Variants in SRRT observed in about 807,000 individuals in gnomAD.
SRRT encodes serrate, RNA effector molecule.
In SRRT, 32 loss-of-function variants were observed where a neutral mutation model predicts 103.2. The observed-to-expected ratio is 0.31, with a 90% CI of 0.23 to 0.42. SRRT has a LOEUF of 0.42. SRRT is among the 10% of genes least tolerant of loss of function. SRRT has a pLI of 1.00. For synonymous variants in SRRT, 525 were observed against 449.0 expected (o/e 1.17, Z -2.14); for missense variants, 986 against 1,207.5 (o/e 0.82, Z 2.72).
chr7:100,875,496 C>T, intron 1 of SRRT, 77 bp from the exon 2 acceptor site: 1 of 1,578,392 alleles, frequency 6.3e-7, no homozygotes, highest in Non-Finnish European at 8.6e-7. Context: ...GGGAAGCGGG[C>T]GAGCTGCCCG....
In SRRT at chr7:100,875,266, ACCCAGGTCG is replaced by A; in HGVS notation, c.-77_-69del. ...TCGAAGTCCTCGTCGCGCGCCCGCG[ACCCAGGTCG>A]CCCTGAAATCTAGCCCGTCCGAGCG... On this transcript the variant is annotated 5_prime_UTR_variant, in exon 1 of 20. Transcript: ENST00000611405. The A allele has an allele frequency of 3.2e-6, 2 of 624,876 alleles. No individual in the cohort carries two copies. The highest frequency in any genetic ancestry group is 4.4e-6 in the Non-Finnish European group (2 of 456,452). 38.7% of individuals were successfully genotyped at this position (624,876 alleles called of 1,614,324 possible).
rs1816302627 is a variant in SRRT, at chr7:100,881,349, C to T, written c.187C>T (p.Arg63Ter). 2 of 1,613,414 alleles carry T rather than the reference C, an allele frequency of 1.2e-6. No individual in the cohort carries two copies. The highest frequency in any genetic ancestry group is 1.3e-5 in the African/African-American group (1 of 74,882). Residue 63 changes from arginine to a stop codon, truncating the protein, a stop_gained, in exon 3 of 20, where the codon CGA becomes TGA. Coordinates refer to ENST00000611405, the MANE Select transcript of SRRT (RefSeq NM_015908.6). LOFTEE classifies it high-confidence loss of function. ...GEYRDYDRNR[R>*]ERFSPPRHEL... ...ATATCGGGACTATGACCGGAATCGG[C>T]GAGAGCGCTTCTCGCCACCTCGCCA...
intron 2 of SRRT, chr7:100,875,958 A>G (rs533654855): frequency 1.5e-4 from 68 of 448,050 alleles, no homozygotes; most frequent in Non-Finnish European, 2.6e-4. Flanking sequence ...CTGTTTATAC[A>G]TGCACGAAAA....
chr7:100,886,127 TC>T (rs553961644), intron 12 of SRRT, 119 bp from the exon 13 acceptor site: 662 of 1,306,082 alleles, frequency 5.1e-4, no homozygotes, highest in Non-Finnish European at 6.6e-4. Context: ...GTGGTCCCCG[TC>T]CCCAGGGAGC....
At position 100,888,034 on chromosome 7, in the gene SRRT, C is replaced by T; in HGVS notation, c.2327-8C>T. The T allele has an allele frequency of 6.5e-7, 1 of 1,534,068 alleles. No individual in the cohort carries two copies. The highest frequency in any genetic ancestry group is 8.7e-7 in the Non-Finnish European group (1 of 1,144,502). On this transcript the variant is annotated splice_polypyrimidine_tract_variant and splice_region_variant and intron_variant, in intron 17 of 19. Transcript: ENST00000611405. ...CCCCCGCAGTAATTCATGTCCCTGTCCGTGTTGTACTCCCCCCAGGTTTGA... is the reference window on the plus strand; with the variant it reads ...CCCCCGCAGTAATTCATGTCCCTGTTCGTGTTGTACTCCCCCCAGGTTTGA...
At chr7:100,883,145 G>A (rs2720395) in intron 5 of SRRT, 2,383 of 152,582 alleles carry the variant, frequency 0.016, 24 homozygotes, top group Middle Eastern at 0.078. Flanking sequence ...TGCCCCACTC[G>A]TGGTTCTGTT....
rs1314224161 is a variant in SRRT at position 100,885,355 on chromosome 7, G to A, written c.1302G>A (p.Arg434=). ...GCAACATCGCGCCCAACATCTCCCGGGCCGAGATCATCTCCGTGAGTGGGG... is the reference window on the plus strand; with the variant it reads ...GCAACATCGCGCCCAACATCTCCCGAGCCGAGATCATCTCCGTGAGTGGGG... The part of the protein sequence containing the change: ...FMRNIAPNIS[R]AEIISLCKRY... The change falls in exon 10 of 20, where the codon CGG becomes CGA. Residue 434 remains arginine (R), a synonymous_variant. Coordinates refer to ENST00000611405, the MANE Select transcript of SRRT (RefSeq NM_015908.6). This position sits in a 1 kb window ranked among gnomAD's most constrained non-coding sequence, Gnocchi z 4.8. 1 of 1,613,454 alleles carries A rather than the reference G, an allele frequency of 6.2e-7. No homozygotes were observed. The highest frequency in any genetic ancestry group is 1.3e-5 in the African/African-American group (1 of 74,908).
intron 1 of SRRT, 121 bp from the exon 2 acceptor site, chr7:100,875,452 T>G: frequency 1.3e-6 from 2 of 1,530,134 alleles, no homozygotes; most frequent in Non-Finnish European, 1.8e-6. Flanking sequence ...AGGCCTAGGA[T>G]GGTGGGGGCC....
chr7:100,887,381 A>T lies in SRRT; in HGVS notation c.2037A>T (p.Ser679=). The change falls in exon 16 of 20, where the codon TCA becomes TCT. Residue 679 remains serine (S), a synonymous_variant. Coordinates refer to ENST00000611405, the MANE Select transcript of SRRT (RefSeq NM_015908.6). This position sits in a 1 kb window ranked among gnomAD's most constrained non-coding sequence, Gnocchi z 4.1. ...KLTPLLSVRE[S]LSEEEAQKMG... The stretch of plus-strand genomic sequence containing the variant: ...CGCCGTTGCTGAGTGTGCGGGAGTC[A>T]CTCTCAGAGGAAGAGGCCCAGAAGA... 6.2e-7 allele frequency: 1 copy of T among 1,614,084 alleles called. No homozygotes were observed. Among genetic ancestry groups the T allele is most frequent in the Non-Finnish European group, 8.5e-7 (1 of 1,180,014 alleles).
rs1305193316 is a variant in SRRT at position 100,886,908 on chromosome 7, GCCT to G, written c.1765_1767del (p.Pro589del). ...GCAGCGGGGGCGCTCCTCCTGAGGAGCCTCCTAAGGAAGGGAACCCGGCAGAGA... is the reference window on the plus strand; with the variant it reads ...GCAGCGGGGGCGCTCCTCCTGAGGAGCCTAAGGAAGGGAACCCGGCAGAGA... On this transcript the variant is annotated inframe_deletion, in exon 14 of 20. Coordinates refer to ENST00000611405, the MANE Select transcript of SRRT (RefSeq NM_015908.6). The G allele has an allele frequency of 9.9e-6, 16 of 1,613,536 alleles. No homozygotes were observed. The Admixed American group carries it at 2.7e-4, about 27-fold the overall frequency.
At position 100,882,145 on chromosome 7, in the gene SRRT, A is replaced by G. The variant is rs200061976; in HGVS notation, c.491A>G (p.Asp164Gly). The part of the protein sequence containing the change: ...EFLLSLDDSV[D>G]ETEAVKRYND... ...CTCCTCTCCCTGGATGACTCGGTGG[A>G]TGAGACGGAGGCCGTCAAGCGCTAT... Residue 164 changes from aspartate to glycine, a missense_variant, in exon 5 of 20, where the codon GAT (aspartate) becomes GGT (glycine). By Grantham distance (94) the Asp-to-Gly change is moderately conservative (BLOSUM62 -1). This residue lies in a region of SRRT where 274 missense variants were observed against 358.5 expected (regional missense o/e 0.76). Transcript: ENST00000611405. The surrounding 1 kb of genome is among the most constrained non-coding windows in gnomAD (Gnocchi z 4.2). 3 of 1,614,146 alleles carry G rather than the reference A, an allele frequency of 1.9e-6. No homozygotes were observed. Among genetic ancestry groups the G allele is most frequent in the East Asian group, 4.5e-5 (2 of 44,882 alleles).
rs767030426 is a variant in SRRT at position 100,886,787 on chromosome 7, C to T, written c.1648-8C>T. The T allele has an allele frequency of 1.2e-6, 2 of 1,613,896 alleles. No individual in the cohort carries two copies. Among genetic ancestry groups the T allele is most frequent in the East Asian group, 2.2e-5 (1 of 44,892 alleles). ...CTCTGCCTTACTTGCTTCTCTTCCT[C>T]CCATCAGAGCCTGCCCTCGCAAAAC... On this transcript the variant is annotated splice_polypyrimidine_tract_variant and splice_region_variant and intron_variant, in intron 13 of 19. Transcript: ENST00000611405.
intron 5 of SRRT, among the ~76,000 whole-genome samples, chr7:100,883,335 T>C (rs776791906): frequency 6.6e-6 from 1 of 152,206 alleles, no homozygotes. Context: ...TCTGGGACTT[T>C]CTCACACTCT....
Position 100,881,650 on chromosome 7 carries a change from C to T in SRRT, c.252-9C>T, listed in dbSNP as rs757819502. The T allele has an allele frequency of 6.2e-7, 1 of 1,613,952 alleles. No individual in the cohort carries two copies. The highest frequency in any genetic ancestry group is 8.5e-7 in the Non-Finnish European group (1 of 1,180,006). On this transcript the variant is annotated splice_polypyrimidine_tract_variant and intron_variant, in intron 3 of 19. Transcript: ENST00000611405. ...TTCTCTGCTTTACTTTTGTGTCCCC[C>T]ACCTTCAGGGATGAGCACAGCTCTG...
chr7:100,881,893 T>A, intron 4 of SRRT, 88 bp downstream of exon 4: 1 of 1,504,722 alleles, frequency 6.6e-7, no homozygotes, highest in Non-Finnish European at 8.9e-7. Flanking sequence ...AGGGAGCGGG[T>A]CAGGCACACA....
At position 100,882,394 on chromosome 7, in the gene SRRT, C is replaced by T. The variant is rs1789660855; in HGVS notation, c.587+153C>T. On this transcript the variant is annotated intron_variant, in intron 5 of 19. Coordinates refer to ENST00000611405, the MANE Select transcript of SRRT (RefSeq NM_015908.6). This position sits in a 1 kb window ranked among gnomAD's most constrained non-coding sequence, Gnocchi z 4.2. The stretch of plus-strand genomic sequence containing the variant: ...ATGACAGCATTGGCTGATGGGGTCT[C>T]CCCCTCACTTCAGCAACTGCCACGG... 7 of 812,964 alleles carry T rather than the reference C, an allele frequency of 8.6e-6. No homozygotes were observed. The highest frequency in any genetic ancestry group is 1.8e-5 in the South Asian group (1 of 54,644). 50.4% of individuals were successfully genotyped at this position (812,964 alleles called of 1,614,324 possible).
Position 100,887,653 on chromosome 7 carries a change from C to T in SRRT, c.2170-50C>T, listed in dbSNP as rs776615255. 2.1e-5 allele frequency: 33 copies of T among 1,584,024 alleles called. No homozygotes were observed. The highest frequency in any genetic ancestry group is 4.0e-5 in the African/African-American group (3 of 74,276). ...AATCCTTCCAGCTCGGGCCTGGGAG[C>T]GAGGCAACCCTTATGTGGCTGTCCT... On this transcript the variant is annotated intron_variant, in intron 16 of 19. Transcript: ENST00000611405. The surrounding 1 kb of genome is among the most constrained non-coding windows in gnomAD (Gnocchi z 4.1).
At chr7:100,876,437 C>G (rs999917533) in intron 2 of SRRT, among the ~76,000 whole-genome samples, 2 of 152,190 alleles carry the variant, frequency 1.3e-5, no homozygotes, top group African/African-American at 4.8e-5. Context: ...CAGGCATGAG[C>G]CAGTGCTTGG....
rs779526826 is a variant in SRRT at position 100,886,251 on chromosome 7, G to A, written c.1463G>A (p.Arg488Gln). 4.3e-6 allele frequency: 7 copies of A among 1,610,964 alleles called. No individual in the cohort carries two copies. Among genetic ancestry groups the A allele is most frequent in the Non-Finnish European group, 5.9e-6 (7 of 1,179,142 alleles). The change falls in exon 13 of 20, where the codon CGG (arginine) becomes CAG (glutamine). Residue 488 changes from arginine (R) to glutamine (Q), a missense_variant. By Grantham distance (43) the Arg-to-Gln change is conservative (BLOSUM62 1). Coordinates refer to ENST00000611405, the MANE Select transcript of SRRT (RefSeq NM_015908.6). ...ICWNLQNIRL[R>Q]ECELSPGVNR... ...CTGATGATGTCTGCCCTCCAGCTCC[G>A]GGAGTGTGAGCTGAGCCCTGGTGTG...
Sources: allele counts gnomAD v4.1 joint callset (sites outside exome capture counted in the v4.1 genomes callset), GRCh38; gene constraint gnomAD v4.1.1; regional missense constraint gnomAD v4.1.1; non-coding constraint Gnocchi (gnomAD v3.1); transcripts MANE v1.5; gene names NCBI Gene and HGNC (gene_info 2026-07-23, HGNC 2026-07-21).